HEY1: variants seen among roughly 807,000 people sequenced by gnomAD.
The protein encoded by HEY1 is hairy/enhancer-of-split related with YRPW motif protein 1.
HEY1 carries 9 observed loss-of-function variants against 28.7 expected under a neutral mutation model. The observed-to-expected ratio is 0.31, with a 90% CI of 0.19 to 0.55. The LOEUF is 0.55. Among genes scored for constraint, HEY1 ranks in the 20% least tolerant of loss-of-function variants. HEY1 has a pLI of 0.93. For synonymous variants in HEY1, 213 were observed against 175.6 expected, an observed-to-expected ratio of 1.21 and a Z score of -1.68; for missense variants, 385 against 399.4, an observed-to-expected ratio of 0.96 and a Z score of 0.31.
Position 79,765,370 on chromosome 8 carries a change from T to C in HEY1, c.733A>G (p.Thr245Ala), listed in dbSNP as rs765694290. 4.4e-6 allele frequency: 7 copies of C among 1,589,390 alleles called. No homozygotes were observed. Among genetic ancestry groups the C allele is most frequent in the South Asian group, 3.4e-5 (3 of 88,326 alleles). ...GSLGPVLPVV[T>A]SASKLSPPLL... ...GGCGGCGACAGTTTGGAGGCGGAGG[T>C]GACCACAGGGAGCACCGGTCCGAGG... Residue 245 changes from threonine (T) to alanine (A), a missense_variant, in exon 5 of 5, where the codon ACC becomes GCC. Thr to Ala is a moderately conservative substitution (Grantham distance 58, BLOSUM62 0). Transcript: ENST00000354724.
intron 1 of HEY1, 79 bp from the exon 2 acceptor site, chr8:79,767,373 C>G: frequency 7.5e-7 from 1 of 1,324,528 alleles, no homozygotes; most frequent in Non-Finnish European, 1.1e-6. Context: ...CGCCCCCACA[C>G]CCTCCCCGCA....
Position 79,765,058 on chromosome 8 carries a change from T to A in HEY1, c.*130A>T, listed in dbSNP as rs987296793. 4.8e-4 allele frequency: 259 copies of A among 540,068 alleles called. No homozygotes were observed. Among genetic ancestry groups the A allele is most frequent in the South Asian group, 8.4e-4 (20 of 23,716 alleles). The allele number at this position is 540,068 out of a possible 1,614,324, so 33.5% of individuals were successfully genotyped here. ...AGTAAACCAACAAACCTTTAGTCTT[T>A]AAAAAAAAAATTATCTGAAAGTGTA... On this transcript the variant is annotated 3_prime_UTR_variant, in exon 5 of 5. Transcript: ENST00000354724.
chr8:79,766,739 A>G lies in HEY1; in HGVS notation c.250-7T>C. ...TTTCTAGCTTAGCAGATCCCTAAAG[A>G]TGAGAATGGCAAAAGATTGATTTGG... On this transcript the variant is annotated splice_polypyrimidine_tract_variant and splice_region_variant and intron_variant, in intron 3 of 4. Coordinates refer to ENST00000354724, the MANE Select transcript of HEY1 (RefSeq NM_012258.4). The G allele has an allele frequency of 6.2e-7, 1 of 1,613,876 alleles. No individual in the cohort carries two copies. Among genetic ancestry groups the G allele is most frequent in the Non-Finnish European group, 8.5e-7 (1 of 1,179,722 alleles).
Position 79,767,688 on chromosome 8 carries a change from G to A in HEY1, c.-25C>T. 7 of 1,561,186 alleles carry A rather than the reference G, an allele frequency of 4.5e-6. No individual in the cohort carries two copies. Among genetic ancestry groups the A allele is most frequent in the Non-Finnish European group, 5.2e-6 (6 of 1,152,374 alleles). On this transcript the variant is annotated 5_prime_UTR_variant, in exon 1 of 5. Coordinates refer to ENST00000354724, the MANE Select transcript of HEY1 (RefSeq NM_012258.4). ...TGCTGGCTCCCTGGGGGTTCCTGGGGAGGGTCGGCGCGGCGGGCAGGGAGG... is the reference window on the plus strand; with the variant it reads ...TGCTGGCTCCCTGGGGGTTCCTGGGAAGGGTCGGCGCGGCGGGCAGGGAGG...
chr8:79,766,952 G>C (rs767914832), intron 3 of HEY1, 57 bp downstream of exon 3: 13 of 1,428,812 alleles, frequency 9.1e-6, no homozygotes, highest in Non-Finnish European at 1.3e-5. Context: ...TTAATGAGGG[G>C]AAGATTCAGA....
chr8:79,766,311 C>G, intron 4 of HEY1: 1 of 1,512,686 alleles, frequency 6.6e-7, no homozygotes, highest in Non-Finnish European at 8.8e-7. Flanking sequence ...AATAAGACCA[C>G]ATATTGTTTT....
rs1807811138 is a variant in HEY1, at chr8:79,765,545, A to T, written c.558T>A (p.His186Gln). Residue 186 changes from histidine to glutamine, a missense_variant, in exon 5 of 5, where the codon CAT becomes CAA. Coordinates refer to ENST00000354724, the MANE Select transcript of HEY1 (RefSeq NM_012258.4). Reference sequence around the variant, plus strand: ...ACAGCGGGTGCGCGATGTGCGGGTGATGTCCGAAGACGGTCCCCCAGGGAA... The same window carrying T: ...ACAGCGGGTGCGCGATGTGCGGGTGTTGTCCGAAGACGGTCCCCCAGGGAA... ...GHIPWGTVFGHHPHIAHPLLL... is the reference protein window; with the variant it reads ...GHIPWGTVFGQHPHIAHPLLL... The T allele has an allele frequency of 6.2e-7, 1 of 1,613,868 alleles. No homozygotes were observed. The highest frequency in any genetic ancestry group is 8.5e-7 in the Non-Finnish European group (1 of 1,180,036).
chr8:79,765,010 A>G lies in HEY1; in HGVS notation c.*178T>C. 5.9e-6 allele frequency: 3 copies of G among 505,332 alleles called. No individual in the cohort carries two copies. The highest frequency in any genetic ancestry group is 1.0e-5 in the Non-Finnish European group (3 of 291,168). The allele number at this position is 505,332 out of a possible 1,614,324, so 31.3% of individuals were successfully genotyped here. ...AAAACTGCTAATACATGACATGATG[A>G]AAAAAACATTAAAAAAGATAAAAGT... is the stretch of plus-strand genomic sequence containing the variant. On this transcript the variant is annotated 3_prime_UTR_variant, in exon 5 of 5. Transcript: ENST00000354724.
chr8:79,766,777 T>A, intron 3 of HEY1, 45 bp from the exon 4 acceptor site: 1 of 1,582,430 alleles, frequency 6.3e-7, no homozygotes, highest in Non-Finnish European at 8.7e-7. Context: ...CAAGTTCCTT[T>A]GGGGAACAAT....
chr8:79,766,131 TATC>T (rs1187378762), intron 4 of HEY1: 4 of 1,118,754 alleles, frequency 3.6e-6, no homozygotes, highest in Admixed American at 2.6e-5. Flanking sequence ...AGATGTAAGT[TATC>T]ATCGCGGAGC....
chr8:79,766,494 A>T, intron 4 of HEY1, 157 bp downstream of exon 4: 1 of 1,508,350 alleles, frequency 6.6e-7, no homozygotes, highest in South Asian at 1.3e-5. Flanking sequence ...TTCTATGTGC[A>T]TTCGAAAATG....
rs1807821257 is a variant in HEY1, at chr8:79,765,848, C to T, written c.332-77G>A. ...TTCTTAAGTCCCAGAGACAGCCCTT[C>T]CTGGCAGATACCTGCATCCCTTAAA... On this transcript the variant is annotated intron_variant, in intron 4 of 4. Transcript: ENST00000354724. 2.4e-6 allele frequency: 3 copies of T among 1,258,730 alleles called. No individual in the cohort carries two copies. The East Asian group carries it at 7.1e-5, about 30-fold the overall frequency. 78.0% of individuals were successfully genotyped at this position (1,258,730 alleles called of 1,614,324 possible).
At position 79,764,278 on chromosome 8, in the gene HEY1, G is replaced by T; in HGVS notation, c.*910C>A. 1 of 225,130 alleles carries T rather than the reference G, an allele frequency of 4.4e-6. No individual in the cohort carries two copies. The highest frequency in any genetic ancestry group is 8.8e-6 in the Non-Finnish European group (1 of 113,108). The allele number at this position is 225,130 out of a possible 1,614,324, so 13.9% of individuals were successfully genotyped here. The stretch of plus-strand genomic sequence containing the variant: ...AATATGGCAGTCCCAGGAAAATTAG[G>T]TTATGCATTTAACAGTTTCCACTGT... On this transcript the variant is annotated 3_prime_UTR_variant, in exon 5 of 5. Transcript: ENST00000354724.
At position 79,765,637 on chromosome 8, in the gene HEY1, A is replaced by T; in HGVS notation, c.466T>A (p.Ser156Thr). The T allele has an allele frequency of 6.2e-7, 1 of 1,614,230 alleles. No individual in the cohort carries two copies. Among genetic ancestry groups the T allele is most frequent in the Non-Finnish European group, 8.5e-7 (1 of 1,180,036 alleles). ...ASDPLRVRLV[S>T]HLNNYASQRE... ...TGGGAAGCGTAGTTGTTGAGATGCG[A>T]AACCAGTCGAACTCGAAGCGGGTCA... The change falls in exon 5 of 5, where the codon TCG (serine) becomes ACG (threonine). Residue 156 changes from serine (S) to threonine (T), a missense_variant. Around this residue, in one of 3 missense-constraint regions of HEY1, gnomAD observed 223 missense variants for 215.9 expected, o/e 1.03. Transcript: ENST00000354724.
rs1376597601 is a variant in HEY1, at chr8:79,765,502, G to T, written c.601C>A (p.His201Asn). Residue 201 changes from histidine (H) to asparagine (N), a missense_variant, in exon 5 of 5, where the codon CAC becomes AAC. His to Asn is a moderately conservative substitution (Grantham distance 68, BLOSUM62 1). Coordinates refer to ENST00000354724, the MANE Select transcript of HEY1 (RefSeq NM_012258.4). The stretch of plus-strand genomic sequence containing the variant: ...GAGGCCGTGGTGCCCGCGTTCCCGT[G>T]GCCGTTCTGGGGCAGCAACAGCGGG... Reference protein sequence around the residue: ...AHPLLLPQNGHGNAGTTASPT... With the variant: ...AHPLLLPQNGNGNAGTTASPT... The T allele has an allele frequency of 6.2e-7, 1 of 1,613,532 alleles. No individual in the cohort carries two copies. The highest frequency in any genetic ancestry group is 8.5e-7 in the Non-Finnish European group (1 of 1,179,858).
chr8:79,767,124 T>C, intron 2 of HEY1, 32 bp from the exon 3 acceptor site: 1 of 1,595,314 alleles, frequency 6.3e-7, no homozygotes, highest in Non-Finnish European at 8.6e-7. Flanking sequence ...AAGGAAGGCA[T>C]TACCATTACG....
chr8:79,764,584 T>C lies in HEY1; in HGVS notation c.*604A>G, dbSNP rs895916462. 1 of 225,948 alleles carries C rather than the reference T, an allele frequency of 4.4e-6. No homozygotes were observed. Among genetic ancestry groups the C allele is most frequent in the African/African-American group, 2.2e-5 (1 of 45,030 alleles). The allele number at this position is 225,948 out of a possible 1,614,324, so 14.0% of individuals were successfully genotyped here. ...ACAGTTTGTACATTCACCTTTCTGC[T>C]ATAGGAGGCAGACAATTTACTAGTC... On this transcript the variant is annotated 3_prime_UTR_variant, in exon 5 of 5. Coordinates refer to ENST00000354724, the MANE Select transcript of HEY1 (RefSeq NM_012258.4).
chr8:79,767,488 G>A, intron 1 of HEY1, 87 bp downstream of exon 1: 1 of 1,359,178 alleles, frequency 7.4e-7, no homozygotes, highest in Non-Finnish European at 1.0e-6. Flanking sequence ...GCACCGGCGC[G>A]CCAAGGGTCC....
At chr8:79,766,548 C>A in intron 4 of HEY1, 103 bp downstream of exon 4, 1 of 1,564,152 alleles carries the variant, frequency 6.4e-7, no homozygotes, top group Non-Finnish European at 8.6e-7. Flanking sequence ...TCTCTCCCCA[C>A]CCCCAAAGAA....
Sources: allele counts gnomAD v4.1 joint callset, GRCh38; gene constraint gnomAD v4.1.1; regional missense constraint gnomAD v4.1.1; transcripts MANE v1.5; gene names NCBI Gene and HGNC (gene_info 2026-07-23, HGNC 2026-07-21).